FOXO3: variants seen among roughly 807,000 people sequenced by gnomAD.
FOXO3 encodes the protein forkhead box protein O3.
FOXO3 carries 4 observed loss-of-function variants against 41.9 expected under a neutral mutation model. That is an observed-to-expected ratio of 0.10 (90% CI 0.05 to 0.22). The LOEUF (loss-of-function observed/expected upper bound fraction) is 0.22, where lower values mean the gene tolerates loss of function less well. Ranked by LOEUF, FOXO3 falls within the 10% of genes least tolerant of loss-of-function variation. The pLI, the probability that FOXO3 is intolerant of heterozygous loss-of-function variation, is 1.00. For synonymous variants in FOXO3, 318 were observed against 389.3 expected (o/e 0.82, Z 2.16); for missense variants, 534 against 906.8 (o/e 0.59, Z 5.28).
At chr6:108,563,800 G>T (rs1288032380) in intron 1 of FOXO3, among the ~76,000 whole-genome samples, 1 of 151,976 alleles carries the variant, frequency 6.6e-6, no homozygotes. Context: ...CTTTATTTTT[G>T]GGGGGAAGAT....
Position 108,680,312 on chromosome 6 carries a change from G to T in FOXO3, c.*520G>T, listed in dbSNP as rs916885622. The T allele has an allele frequency of 6.6e-6, 1 of 152,570 alleles. No homozygotes were observed. The highest frequency in any genetic ancestry group is 2.4e-5 in the African/African-American group (1 of 41,416). The allele number at this position is 152,570 out of a possible 1,614,324, so 9.5% of individuals were successfully genotyped here. ...AAATGTTGTACCAGTTACCATTCCGGGTTCGAGCATCACAAGCTTTTGAGC... is the reference window on the plus strand; with the variant it reads ...AAATGTTGTACCAGTTACCATTCCGTGTTCGAGCATCACAAGCTTTTGAGC... On this transcript the variant is annotated 3_prime_UTR_variant, in exon 3 of 3. Transcript: ENST00000406360.
At chr6:108,591,341 G>A (rs1480919126) in intron 1 of FOXO3, among the ~76,000 whole-genome samples, 1 of 152,126 alleles carries the variant, frequency 6.6e-6, no homozygotes, top group Non-Finnish European at 1.5e-5. Flanking sequence ...ACTAGCAGTC[G>A]TGCATCATTT....
At chr6:108,631,282 A>ATGGTGATGATCTGGACCAGCATAGTGTGG (rs2128376011) in intron 1 of FOXO3, among the ~76,000 whole-genome samples, 1 of 152,284 alleles carries the variant, frequency 6.6e-6, no homozygotes, top group African/African-American at 2.4e-5. Flanking sequence ...TAAAGTCTGA[A>ATGGTGATGATCTGGACCAGCATAGTGTGG]TGGTGATGAT....
chr6:108,627,113 CT>C (rs1777832463), intron 1 of FOXO3, among the ~76,000 whole-genome samples: 1 of 152,212 alleles, frequency 6.6e-6, no homozygotes, highest in South Asian at 2.1e-4. Flanking sequence ...TGAGTTTGCT[CT>C]CCAGTGGCTT....
intron 2 of FOXO3, among the ~76,000 whole-genome samples, chr6:108,678,990 GCCTCCCGA>G (rs1770737982): frequency 7.0e-6 from 1 of 143,282 alleles, no homozygotes; most frequent in Admixed American, 7.6e-5. Flanking sequence ...TCCTGCCTCA[GCCTCCCGA>G]GTAGCTGGGA....
intron 1 of FOXO3, among the ~76,000 whole-genome samples, chr6:108,595,599 G>A (rs994673632): frequency 6.6e-6 from 1 of 152,046 alleles, no homozygotes; most frequent in Non-Finnish European, 1.5e-5. Context: ...TGGAAGGAAG[G>A]CGATTTGTTA....
chr6:108,644,084 C>G (rs147309410), intron 1 of FOXO3, among the ~76,000 whole-genome samples: 4 of 152,298 alleles, frequency 2.6e-5, no homozygotes, highest in Admixed American at 6.5e-5. Context: ...AGGACAATGC[C>G]AGTGCCTGGC....
chr6:108,561,177 G>A lies in FOXO3; in HGVS notation c.-32G>A, dbSNP rs1775772628. ...GCCCCGGCGCGAGAGGAGAGCGCGAGAGCCCCAGCCGCGGGCGGGCGGGCG... is the reference window on the plus strand; with the variant it reads ...GCCCCGGCGCGAGAGGAGAGCGCGAAAGCCCCAGCCGCGGGCGGGCGGGCG... On this transcript the variant is annotated 5_prime_UTR_variant, in exon 1 of 3. Coordinates refer to ENST00000406360, the MANE Select transcript of FOXO3 (RefSeq NM_001455.4). 3 of 1,521,614 alleles carry A rather than the reference G, an allele frequency of 2.0e-6. No individual in the cohort carries two copies. In the South Asian group the frequency reaches 3.7e-5, roughly 19 times the overall value. 94.3% of individuals were successfully genotyped at this position (1,521,614 alleles called of 1,614,324 possible).
chr6:108,584,628 A>G (rs1776524670), intron 1 of FOXO3, among the ~76,000 whole-genome samples: 1 of 152,186 alleles, frequency 6.6e-6, no homozygotes, highest in Non-Finnish European at 1.5e-5. Flanking sequence ...AAGGCACGTA[A>G]TGATGTGTGG....
At chr6:108,593,233 GT>G (rs1411997378) in intron 1 of FOXO3, among the ~76,000 whole-genome samples, 2 of 152,086 alleles carry the variant, frequency 1.3e-5, no homozygotes, top group Admixed American at 6.5e-5. Context: ...GTGAAATAGG[GT>G]GTGCAGATAT....
At position 108,560,994 on chromosome 6, in the gene FOXO3, G is replaced by GGAGGTGGCGGCAGCGGGC. The variant is rs1319056121; in HGVS notation, c.-210_-193dup. The stretch of plus-strand genomic sequence containing the variant: ...CTGGGAGGCGGGCGCGGCAGGACTG[G>GGAGGTGGCGGCAGCGGGC]GAGGTGGCGGCAGCGGGCGAGGACT... On this transcript the variant is annotated 5_prime_UTR_variant, in exon 1 of 3. Coordinates refer to ENST00000406360, the MANE Select transcript of FOXO3 (RefSeq NM_001455.4). The GGAGGTGGCGGCAGCGGGC allele has an allele frequency of 7.3e-7, 1 of 1,366,184 alleles. No homozygotes were observed. The highest frequency in any genetic ancestry group is 9.3e-7 in the Non-Finnish European group (1 of 1,071,720). 84.6% of individuals were successfully genotyped at this position (1,366,184 alleles called of 1,614,324 possible). A position where few individuals can be genotyped will look rare whatever the true frequency, so the allele number is the denominator to read the frequency against.
intron 2 of FOXO3, among the ~76,000 whole-genome samples, chr6:108,667,742 A>G (rs898464597): frequency 6.6e-6 from 1 of 152,306 alleles, no homozygotes; most frequent in East Asian, 1.9e-4. Context: ...TTCGCCTCAG[A>G]ATATTTTGGG....
chr6:108,665,416 G>A (rs1028724245), intron 2 of FOXO3, among the ~76,000 whole-genome samples: 4 of 152,158 alleles, frequency 2.6e-5, no homozygotes, highest in Admixed American at 2.0e-4. Flanking sequence ...TGCAGAATAT[G>A]TATTCTAGAC....
chr6:108,586,054 C>T (rs1171882137), intron 1 of FOXO3, among the ~76,000 whole-genome samples: 1 of 152,202 alleles, frequency 6.6e-6, no homozygotes, highest in Non-Finnish European at 1.5e-5. Flanking sequence ...CCTGGAAGGC[C>T]TCAAGCCTCT....
chr6:108,677,400 G>C (rs1213169092), intron 2 of FOXO3, among the ~76,000 whole-genome samples: 1 of 152,098 alleles, frequency 6.6e-6, no homozygotes, highest in African/African-American at 2.4e-5. Flanking sequence ...GCTCTGTTAG[G>C]GGCTCATGGG....
chr6:108,580,524 G>A (rs993706293), intron 1 of FOXO3, among the ~76,000 whole-genome samples: 4 of 152,182 alleles, frequency 2.6e-5, no homozygotes, highest in Admixed American at 2.0e-4. Flanking sequence ...ACTGAGGTAC[G>A]AAACGGCTAA....
At position 108,574,140 on chromosome 6, in the gene FOXO3, G is replaced by A. The variant is rs1169863342; in HGVS notation, c.621+12311G>A. Among the ~76,000 whole-genome samples, 33 of 145,678 alleles carry A rather than the reference G, an allele frequency of 2.3e-4. 1 individual carries two copies. The highest frequency in any genetic ancestry group is 1.6e-3 in the Admixed American group (23 of 14,508). ...TGCACTTCAGCCTGGGCGACAGAGC[G>A]AGACTCTGTCTCAAAAAAAAAAAAA... On this transcript the variant is annotated intron_variant, in intron 1 of 2. Transcript: ENST00000406360.
Position 108,681,623 on chromosome 6 carries a change from G to A in FOXO3, c.*1831G>A, listed in dbSNP as rs572873382. 5.9e-5 allele frequency: 9 copies of A among 151,386 alleles called. No homozygotes were observed. The highest frequency in any genetic ancestry group is 3.3e-4 in the Admixed American group (5 of 15,158). The allele number at this position is 151,386 out of a possible 1,614,324, so 9.4% of individuals were successfully genotyped here. ...CTCGCTTGGGTTGCCATGTTTGAGC[G>A]ATGGCCCTGTTGATTTCACCCTGCC... is the stretch of plus-strand genomic sequence containing the variant. On this transcript the variant is annotated 3_prime_UTR_variant, in exon 3 of 3. Transcript: ENST00000406360.
chr6:108,570,924 A>G (rs1473777644), intron 1 of FOXO3, among the ~76,000 whole-genome samples: 1 of 152,222 alleles, frequency 6.6e-6, no homozygotes, highest in Admixed American at 6.5e-5. Context: ...TCTAAGACCC[A>G]TGATTTACTT....
Sources: allele counts gnomAD v4.1 joint callset (sites outside exome capture counted in the v4.1 genomes callset), GRCh38; gene constraint gnomAD v4.1.1; transcripts MANE v1.5; gene names NCBI Gene and HGNC (gene_info 2026-07-23, HGNC 2026-07-21).